NEXMIF: variants seen among roughly 807,000 people sequenced by gnomAD.
NEXMIF encodes the protein XLMR protein related to neurite extension.
A neutral mutation model predicts 62.1 loss-of-function variants in NEXMIF; 8 were observed. The ratio of observed to expected loss-of-function variants is 0.13; its 90% CI spans 0.08 to 0.23. NEXMIF has a LOEUF of 0.23. NEXMIF is among the 10% of genes least tolerant of loss of function. The probability of loss-of-function intolerance (pLI) is 1.00; values close to 1 mark genes in which losing one functional copy is unlikely to be tolerated. For synonymous variants in NEXMIF, 404 were observed against 416.6 expected, an observed-to-expected ratio of 0.97 and a Z score of 0.37; for missense variants, 976 against 1,113.3, an observed-to-expected ratio of 0.88 and a Z score of 1.75.
chrX:74,842,178 G>T (rs2080476084), intron 1 of NEXMIF, among the ~76,000 whole-genome samples: 1 of 111,431 alleles, frequency 9.0e-6, no homozygotes, highest in African/African-American at 3.3e-5. Flanking sequence ...TCTATTCAGG[G>T]AATCAAGTTC....
chrX:74,752,504 A>AT (rs1256920848), intron 1 of NEXMIF, among the ~76,000 whole-genome samples: 2 of 111,228 alleles, frequency 1.8e-5, no homozygotes, highest in African/African-American at 3.3e-5. Flanking sequence ...TATCTGTACC[A>AT]TTTTTTGTGA....
At chrX:74,828,227 G>A (rs371047269) in intron 1 of NEXMIF, among the ~76,000 whole-genome samples, 6 of 111,587 alleles carry the variant, frequency 5.4e-5, no homozygotes, top group African/African-American at 1.9e-4. Flanking sequence ...GGAGTATGAT[G>A]AGCGAATAAT....
At position 74,735,440 on chromosome X, in the gene NEXMIF, T is replaced by A. The variant is rs921958316; in HGVS notation, c.*3965A>T. On this transcript the variant is annotated 3_prime_UTR_variant, in exon 4 of 4. Transcript: ENST00000055682. ...TTTTTCTCCTTTAGGCAGTAAATGCTAATTGAAACCTACTAAAACAGAAAT... is the reference window on the plus strand; with the variant it reads ...TTTTTCTCCTTTAGGCAGTAAATGCAAATTGAAACCTACTAAAACAGAAAT... 1 of 111,742 alleles carries A rather than the reference T, an allele frequency of 8.9e-6. No homozygotes were observed. Among genetic ancestry groups the A allele is most frequent in the African/African-American group, 3.3e-5 (1 of 30,744 alleles). The allele number at this position is 111,742 out of a possible 1,213,427, so 9.2% of individuals were successfully genotyped here.
intron 1 of NEXMIF, among the ~76,000 whole-genome samples, chrX:74,776,447 C>T (rs778798835): frequency 1.6e-4 from 18 of 111,247 alleles, no homozygotes; most frequent in East Asian, 5.7e-4. Context: ...TTATCTTGGC[C>T]GGGCGCGGTG....
At position 74,842,523 on chromosome X, in the gene NEXMIF, G is replaced by A. The variant is rs1360918947; in HGVS notation, c.-48+82360C>T. Among the ~76,000 whole-genome samples, 5 of 111,214 alleles carry A rather than the reference G, an allele frequency of 4.5e-5. No homozygotes were observed. The Admixed American group carries it at 4.8e-4, about 11-fold the overall frequency. ...CTTGTCTTCTGCGAGCTTTGGAGTT[G>A]ATTTGTTCTTACTTCTCTAATTCTT... On this transcript the variant is annotated intron_variant, in intron 1 of 3. Coordinates refer to ENST00000055682, the MANE Select transcript of NEXMIF (RefSeq NM_001008537.3).
At chrX:74,845,076 C>A (rs2080487476) in intron 1 of NEXMIF, among the ~76,000 whole-genome samples, 1 of 111,943 alleles carries the variant, frequency 8.9e-6, no homozygotes, top group African/African-American at 3.2e-5. Flanking sequence ...TATATCACTT[C>A]TTAACTATTA....
chrX:74,844,061 A>G (rs781172196), intron 1 of NEXMIF, among the ~76,000 whole-genome samples: 4 of 112,035 alleles, frequency 3.6e-5, no homozygotes, highest in Admixed American at 9.5e-5. Flanking sequence ...GCTGGATATG[A>G]AATTCTTGGT....
At chrX:74,814,509 T>C (rs905314287) in intron 1 of NEXMIF, among the ~76,000 whole-genome samples, 1 of 111,759 alleles carries the variant, frequency 8.9e-6, no homozygotes, top group African/African-American at 3.3e-5. Flanking sequence ...ACTCAAAACA[T>C]GTGCCAGGTC....
At chrX:74,890,843 G>A (rs747219060) in intron 1 of NEXMIF, among the ~76,000 whole-genome samples, 47 of 111,177 alleles carry the variant, frequency 4.2e-4, no homozygotes, top group Non-Finnish European at 8.1e-4. Flanking sequence ...AGTGGCACAC[G>A]GGAGGAGATC....
chrX:74,739,649 C>T (rs2080095516), intron 3 of NEXMIF, 151 bp from the exon 4 acceptor site: 1 of 406,571 alleles, frequency 2.5e-6, no homozygotes, highest in Middle Eastern at 6.2e-4. Flanking sequence ...GAAAGCCCTC[C>T]TATTTGCCAC....
At chrX:74,846,624 G>A (rs2080492617) in intron 1 of NEXMIF, among the ~76,000 whole-genome samples, 1 of 112,064 alleles carries the variant, frequency 8.9e-6, no homozygotes, top group African/African-American at 3.2e-5. Flanking sequence ...AACGATTGAA[G>A]CTTTGTCATA....
intron 1 of NEXMIF, among the ~76,000 whole-genome samples, chrX:74,828,511 G>A (rs1255455102): frequency 8.9e-6 from 1 of 112,127 alleles, no homozygotes; most frequent in Non-Finnish European, 1.9e-5. Flanking sequence ...GGTTGGTGTT[G>A]TCATAAAATG....
chrX:74,741,363 T>G lies in NEXMIF; in HGVS notation c.3194A>C (p.His1065Pro). ...ISNFTPDKFR[H>P]SSLSEMSPPD... is the part of the protein sequence containing the mutation. ...TGGGGACATCTCTGAAAGGGAAGAG[T>G]GGCGGAATTTGTCAGGGGTGAAGTT... Residue 1065 changes from histidine (H) to proline (P), a missense_variant, in exon 3 of 4, where the codon CAC becomes CCC. His to Pro is a moderately conservative substitution (Grantham distance 77, BLOSUM62 -2). Coordinates refer to ENST00000055682, the MANE Select transcript of NEXMIF (RefSeq NM_001008537.3). The G allele has an allele frequency of 8.3e-7, 1 of 1,209,272 alleles. No individual in the cohort carries two copies. Among genetic ancestry groups the G allele is most frequent in the East Asian group, 3.0e-5 (1 of 33,734 alleles).
rs761579723 is a variant in NEXMIF at position 74,843,741 on chromosome X, C to T, written c.-48+81142G>A. Among the ~76,000 whole-genome samples, 249 of 112,027 alleles carry T rather than the reference C, an allele frequency of 2.2e-3. 1 individual carries two copies. Among genetic ancestry groups the T allele is most frequent in the African/African-American group, 7.7e-3 (237 of 30,821 alleles). On this transcript the variant is annotated intron_variant, in intron 1 of 3. Transcript: ENST00000055682. The stretch of plus-strand genomic sequence containing the variant: ...GTCTTGCTTTTTTAATCCAGCTTGC[C>T]ACTCTCTGCCTTTTAAGTTGGGCAT...
At chrX:74,873,561 A>G (rs1425054347) in intron 1 of NEXMIF, among the ~76,000 whole-genome samples, 6 of 111,933 alleles carry the variant, frequency 5.4e-5, no homozygotes, top group Admixed American at 1.9e-4. Context: ...CTGAGGAAAC[A>G]CCACACTGAC....
intron 1 of NEXMIF, among the ~76,000 whole-genome samples, chrX:74,858,232 C>T (rs1303999886): frequency 8.9e-6 from 1 of 112,442 alleles, no homozygotes; most frequent in African/African-American, 3.2e-5. Context: ...GTGCTGGCTT[C>T]AGGTCTGACC....
intron 1 of NEXMIF, among the ~76,000 whole-genome samples, chrX:74,769,093 GT>G (rs111585131): frequency 4.7e-4 from 49 of 104,497 alleles, no homozygotes; most frequent in South Asian, 1.7e-3. Flanking sequence ...CTGATCTATA[GT>G]TTTTTTTTTT....
chrX:74,744,791 T>A (rs1267057677), intron 2 of NEXMIF, among the ~76,000 whole-genome samples: 1 of 111,260 alleles, frequency 9.0e-6, no homozygotes, highest in Non-Finnish European at 1.9e-5. Context: ...AAGGGGAAAA[T>A]GCTCAGATGG....
At chrX:74,906,867 A>G (rs1266464984) in intron 1 of NEXMIF, among the ~76,000 whole-genome samples, 1 of 111,517 alleles carries the variant, frequency 9.0e-6, no homozygotes, top group Admixed American at 9.6e-5. Flanking sequence ...AATCTCAGGC[A>G]TCCTAGCCTC....
Sources: gnomAD v4.1 joint callset for allele counts (sites outside exome capture counted in the v4.1 genomes callset) on GRCh38, gnomAD v4.1.1 for gene constraint, MANE v1.5 for transcripts, NCBI Gene and HGNC (gene_info 2026-07-23, HGNC 2026-07-21) for gene names.